The following APOBEC3B variants were observed in gnomAD, a reference collection of about 807,000 sequenced individuals.
The protein encoded by APOBEC3B is apolipoprotein B mRNA editing enzyme catalytic subunit 3B.
Under a neutral mutation model 53.4 loss-of-function variants are expected in APOBEC3B, and 29 were observed. That is an observed-to-expected ratio of 0.54 (90% CI 0.40 to 0.74). APOBEC3B has a LOEUF of 0.74. APOBEC3B is among the 30% of genes least tolerant of loss of function. The pLI, the probability that APOBEC3B is intolerant of heterozygous loss-of-function variation, is 0.00. For synonymous variants in APOBEC3B, 132 were observed against 184.8 expected (o/e 0.71, Z 2.32); for missense variants, 347 against 496.2 (o/e 0.70, Z 2.86).
Position 38,992,377 on chromosome 22 carries a change from G to A in APOBEC3B, c.1135-54G>A, listed in dbSNP as rs753712055. 52 of 1,584,950 alleles carry A rather than the reference G, an allele frequency of 3.3e-5. No homozygotes were observed. In the South Asian group the frequency reaches 5.3e-4, roughly 16 times the overall value. On this transcript the variant is annotated intron_variant, in intron 7 of 7. Transcript: ENST00000333467. ...CACTGTCCCCAGGCCACCTCCCTGT[G>A]CCCTCTTTCCACTCTCTCACCTCCT...
chr22:38,982,922 T>C (rs73161520), intron 1 of APOBEC3B, among the ~76,000 whole-genome samples: 1 of 148,916 alleles, frequency 6.7e-6, no homozygotes, highest in Non-Finnish European at 1.5e-5. Flanking sequence ...GGGGTAGGAA[T>C]GGTCTCTGAA....
In APOBEC3B at chr22:38,984,266, G is replaced by A. The variant is rs369061706; in HGVS notation, c.174+35G>A. The A allele has an allele frequency of 4.4e-5, 70 of 1,583,358 alleles. 3 individuals carry two copies. The African/African-American group carries it at 8.8e-4, about 20-fold the overall frequency. On this transcript the variant is annotated intron_variant, in intron 2 of 7. Transcript: ENST00000333467. The stretch of plus-strand genomic sequence containing the variant: ...AAACTTCAATCGAATCACAGGCAGT[G>A]TTGCAGGAATTAGAGGACTGGAGAG...
rs1569040865 is a variant in APOBEC3B, at chr22:38,992,546, C to T, written c.*101C>T. The T allele has an allele frequency of 6.2e-7, 1 of 1,606,456 alleles. No homozygotes were observed. The highest frequency in any genetic ancestry group is 8.5e-7 in the Non-Finnish European group (1 of 1,174,228). On this transcript the variant is annotated 3_prime_UTR_variant, in exon 8 of 8. Coordinates refer to ENST00000333467, the MANE Select transcript of APOBEC3B (RefSeq NM_004900.5). ...GCAAACAGACCGTTCACCACCATCTCCAGCTGCTCACAGACACCAGCAAAG... is the reference window on the plus strand; with the variant it reads ...GCAAACAGACCGTTCACCACCATCTTCAGCTGCTCACAGACACCAGCAAAG...
At chr22:38,988,683 C>CTCTCTTTCTCTCCTTCTT (rs1555894372) in intron 4 of APOBEC3B, among the ~76,000 whole-genome samples, 9 of 47,510 alleles carry the variant, frequency 1.9e-4, no homozygotes, top group African/African-American at 8.1e-4. Context: ...TTCTCTCTTT[C>CTCTCTTTCTCTCCTTCTT]TCTTTCTTTC....
rs368817422 is a variant in APOBEC3B, at chr22:38,992,642, T to C, written c.*197T>C. ...TAATTTTAATTGAAAATTTCTCTTATGTTCCAAGTGTACAAGAGTAAGATT... is the reference window on the plus strand; with the variant it reads ...TAATTTTAATTGAAAATTTCTCTTACGTTCCAAGTGTACAAGAGTAAGATT... On this transcript the variant is annotated 3_prime_UTR_variant, in exon 8 of 8. Coordinates refer to ENST00000333467, the MANE Select transcript of APOBEC3B (RefSeq NM_004900.5). 5 of 1,423,246 alleles carry C rather than the reference T, an allele frequency of 3.5e-6. No individual in the cohort carries two copies. The highest frequency in any genetic ancestry group is 9.4e-7 in the Non-Finnish European group (1 of 1,061,072). The allele number at this position is 1,423,246 out of a possible 1,614,324, so 88.2% of individuals were successfully genotyped here.
At chr22:38,984,435 A>G (rs371653722) in intron 2 of APOBEC3B, among the ~76,000 whole-genome samples, 2 of 148,928 alleles carry the variant, frequency 1.3e-5, no homozygotes, top group South Asian at 4.4e-4. Context: ...TTAATCAAAC[A>G]GTGACAGGTC....
chr22:38,982,516 G>T (rs1923573512), intron 1 of APOBEC3B, 46 bp downstream of exon 1: 1 of 1,589,718 alleles, frequency 6.3e-7, no homozygotes, highest in Non-Finnish European at 8.5e-7. Context: ...GCCCCTTCCT[G>T]CCTGGTGGTC....
chr22:38,988,687 T>TTTCTCTCTTTCTCTCTTTCTCTCTTTCTC lies in APOBEC3B; in HGVS notation c.570-769_570-768insTCTCTCTTTCTCTCTTTCTCTCTTTCTCT, dbSNP rs1491021212. On this transcript the variant is annotated intron_variant, in intron 4 of 7. Coordinates refer to ENST00000333467, the MANE Select transcript of APOBEC3B (RefSeq NM_004900.5). ...TTCCTCTCTCTTTCTCTCTTTCTCT[T>TTTCTCTCTTTCTCTCTTTCTCTCTTTCTC]TCTTTCTTTCTTTCTTTCTTTCTTT... Among the ~76,000 whole-genome samples the TTTCTCTCTTTCTCTCTTTCTCTCTTTCTC allele has an allele frequency of 3.1e-4, 14 of 45,196 alleles. 1 individual carries two copies. The highest frequency in any genetic ancestry group is 2.3e-3 in the East Asian group (3 of 1,320). The allele number at this position is 45,196 out of a possible 152,430, so 29.7% of individuals were successfully genotyped here.
chr22:38,987,117 A>C (rs1415853906), intron 4 of APOBEC3B, among the ~76,000 whole-genome samples: 1 of 148,886 alleles, frequency 6.7e-6, no homozygotes, highest in Non-Finnish European at 1.5e-5. Context: ...ATAGAATCCA[A>C]ACCCAGGACT....
At chr22:38,984,600 G>A (rs1923661721) in intron 2 of APOBEC3B, among the ~76,000 whole-genome samples, 1 of 148,548 alleles carries the variant, frequency 6.7e-6, no homozygotes, top group Admixed American at 6.9e-5. Context: ...GACAGTAAAG[G>A]AATTTGTCTT....
chr22:38,982,431 C>CA lies in APOBEC3B; in HGVS notation c.-21dup. The CA allele has an allele frequency of 6.3e-7, 1 of 1,593,546 alleles. No individual in the cohort carries two copies. Among genetic ancestry groups the CA allele is most frequent in the Non-Finnish European group, 8.5e-7 (1 of 1,172,464 alleles). ...CTTCAAAAAAAGAGCGGGACAGGGA[C>CA]AAGCGTATCTAAGAGGCTGAACATG... On this transcript the variant is annotated 5_prime_UTR_variant, in exon 1 of 8. Transcript: ENST00000333467.
At position 38,985,835 on chromosome 22, in the gene APOBEC3B, C is replaced by T. The variant is rs17000717; in HGVS notation, c.198C>T (p.His66=). 5.0e-3 allele frequency: 7,945 copies of T among 1,592,128 alleles called. 771 individuals are homozygous for T. In the African/African-American group the frequency reaches 0.093, roughly 19 times the overall value. ...RGQVYFKPQY[H]AEMCFLSWFC... ...AGGTGTATTTCAAGCCTCAGTACCA[C>T]GCAGAAATGTGCTTCCTCTCTTGGT... Residue 66 remains histidine, a synonymous_variant, in exon 3 of 8, where the codon CAC becomes CAT. Coordinates refer to ENST00000333467, the MANE Select transcript of APOBEC3B (RefSeq NM_004900.5).
In APOBEC3B at chr22:38,986,941, G is replaced by T. The variant is rs1423203384; in HGVS notation, c.569+529G>T. Among the ~76,000 whole-genome samples, 9 of 28,660 alleles carry T rather than the reference G, an allele frequency of 3.1e-4. 3 individuals are homozygous for T. The East Asian group carries it at 0.013, about 43-fold the overall frequency. The allele number at this position is 28,660 out of a possible 152,430, so 18.8% of individuals were successfully genotyped here. A position where few individuals can be genotyped will look rare whatever the true frequency, so the allele number is the denominator to read the frequency against. ...ACATAGCTGCTGGGTGGCTGGGGACGGGGGGGGTCCCTGGGATGATTCCTG... is the reference window on the plus strand; with the variant it reads ...ACATAGCTGCTGGGTGGCTGGGGACTGGGGGGGTCCCTGGGATGATTCCTG... On this transcript the variant is annotated intron_variant, in intron 4 of 7. Coordinates refer to ENST00000333467, the MANE Select transcript of APOBEC3B (RefSeq NM_004900.5).
Position 38,991,573 on chromosome 22 carries a change from C to A in APOBEC3B, c.965C>A (p.Ala322Glu), listed in dbSNP as rs544481700. 1.1e-5 allele frequency: 17 copies of A among 1,591,876 alleles called. No homozygotes were observed. In the African/African-American group the frequency reaches 1.5e-4, roughly 14 times the overall value. ...IYDYDPLYKE[A>E]LQMLRDAGAQ... ...GATTACGACCCCCTATATAAGGAGG[C>A]GCTGCAAATGCTGCGGGATGCTGGG... Residue 322 changes from alanine (A) to glutamate (E), a missense_variant, in exon 6 of 8, where the codon GCG becomes GAG. Coordinates refer to ENST00000333467, the MANE Select transcript of APOBEC3B (RefSeq NM_004900.5).
chr22:38,990,240 G>A (rs1426187180), intron 5 of APOBEC3B, among the ~76,000 whole-genome samples: 1 of 148,088 alleles, frequency 6.8e-6, no homozygotes, highest in Non-Finnish European at 1.5e-5. Flanking sequence ...GGCTTCTCTG[G>A]GCTCTATGAG....
chr22:38,992,651 T>C lies in APOBEC3B; in HGVS notation c.*206T>C, dbSNP rs1247900801. On this transcript the variant is annotated 3_prime_UTR_variant, in exon 8 of 8. Transcript: ENST00000333467. ...TTGAAAATTTCTCTTATGTTCCAAGTGTACAAGAGTAAGATTATGCTCAAT... is the reference window on the plus strand; with the variant it reads ...TTGAAAATTTCTCTTATGTTCCAAGCGTACAAGAGTAAGATTATGCTCAAT... The C allele has an allele frequency of 7.2e-7, 1 of 1,381,664 alleles. No individual in the cohort carries two copies. The highest frequency in any genetic ancestry group is 9.7e-7 in the Non-Finnish European group (1 of 1,028,086). 85.6% of individuals were successfully genotyped at this position (1,381,664 alleles called of 1,614,324 possible).
rs184206889 is a variant in APOBEC3B, at chr22:38,987,073, G to C, written c.569+661G>C. Among the ~76,000 whole-genome samples the C allele has an allele frequency of 1.9e-3, 290 of 148,986 alleles. 15 individuals are homozygous for C. The highest frequency in any genetic ancestry group is 3.1e-3 in the Non-Finnish European group (207 of 67,326). ...GCCTGGGAGGTCACTCACAGCGCAG[G>C]TGTCTCCTGGAACAAGGGCCCTGGA... is the stretch of plus-strand genomic sequence containing the variant. On this transcript the variant is annotated intron_variant, in intron 4 of 7. Coordinates refer to ENST00000333467, the MANE Select transcript of APOBEC3B (RefSeq NM_004900.5).
rs1569040287 is a variant in APOBEC3B, at chr22:38,991,543, T to C, written c.935T>C (p.Ile312Thr). The C allele has an allele frequency of 1.9e-6, 3 of 1,593,750 alleles. No homozygotes were observed. Among genetic ancestry groups the C allele is most frequent in the Non-Finnish European group, 2.6e-6 (3 of 1,172,710 alleles). ...AGACTGCGCATCTTCGCTGCCCGCA[T>C]CTATGATTACGACCCCCTATATAAG... is the stretch of plus-strand genomic sequence containing the variant. ...HVRLRIFAAR[I>T]YDYDPLYKEA... Residue 312 changes from isoleucine (I) to threonine (T), a missense_variant, in exon 6 of 8, where the codon ATC becomes ACC. Coordinates refer to ENST00000333467, the MANE Select transcript of APOBEC3B (RefSeq NM_004900.5).
chr22:38,992,169 GC>G lies in APOBEC3B; in HGVS notation c.1134+22del. The G allele has an allele frequency of 6.3e-7, 1 of 1,589,998 alleles. No individual in the cohort carries two copies. The highest frequency in any genetic ancestry group is 1.3e-5 in the African/African-American group (1 of 74,328). On this transcript the variant is annotated intron_variant, in intron 7 of 7. Transcript: ENST00000333467. ...CTCCAGGTGAGGGCTTCCTCCCTCT[GC>G]CTGGTGCCCCATCGGCCTCCCCCTC...
Sources: allele counts gnomAD v4.1 joint callset (sites outside exome capture counted in the v4.1 genomes callset), GRCh38; gene constraint gnomAD v4.1.1; transcripts MANE v1.5; gene names NCBI Gene and HGNC (gene_info 2026-07-23, HGNC 2026-07-21).